PLAGL1: variants seen among roughly 807,000 people sequenced by gnomAD.
The protein encoded by PLAGL1 is zinc finger protein PLAGL1.
PLAGL1 carries 1 observed loss-of-function variant against 4.6 expected under a neutral mutation model. The ratio of observed to expected loss-of-function variants is 0.22; its 90% CI spans 0.08 to 1.03. PLAGL1 has a LOEUF of 1.03. Among genes scored for constraint, PLAGL1 ranks in the 50% least tolerant of loss-of-function variants. The pLI is 0.58. For synonymous variants in PLAGL1, 240 were observed against 237.8 expected (o/e 1.01, Z -0.08); for missense variants, 464 against 570.4 (o/e 0.81, Z 1.90).
At chr6:144,047,171 A>G (rs2876580) in intron 1 of PLAGL1, among the ~76,000 whole-genome samples, 139,226 of 152,218 alleles carry the variant, frequency 0.91, 63,907 homozygotes, top group East Asian at 0.98. Flanking sequence ...GCAACACCCC[A>G]CCCTGCTTCA....
At chr6:144,038,107 A>G (rs998140668) in intron 1 of PLAGL1, among the ~76,000 whole-genome samples, 5 of 152,232 alleles carry the variant, frequency 3.3e-5, no homozygotes, top group Non-Finnish European at 7.3e-5. Flanking sequence ...TTGACAAAAT[A>G]ATGGCTGAAA....
chr6:143,956,404 C>G lies in PLAGL1; in HGVS notation c.-325+4065G>C, dbSNP rs368947703. Among the ~76,000 whole-genome samples the G allele has an allele frequency of 4.6e-5, 7 of 152,310 alleles. No individual in the cohort carries two copies. In the South Asian group the frequency reaches 1.5e-3, roughly 32 times the overall value. On this transcript the variant is annotated intron_variant, in intron 6 of 7. Coordinates refer to ENST00000674357, the MANE Select transcript of PLAGL1 (RefSeq NM_001317162.2). ...GCCTTCTGCCTCAAAATCCCCCCAG[C>G]TCCTCTTGGATAAGATGGTCTACTG...
At chr6:144,038,018 TC>T (rs1208768191) in intron 1 of PLAGL1, among the ~76,000 whole-genome samples, 1 of 152,186 alleles carries the variant, frequency 6.6e-6, no homozygotes, top group African/African-American at 2.4e-5. Context: ...ATGAGCAAAG[TC>T]TCTGAGATCT....
rs770935307 is a variant in PLAGL1, at chr6:144,048,036, C to G, written c.-151+16432G>C. On this transcript the variant is annotated intron_variant, in intron 1 of 3. Transcript: ENST00000437412. The surrounding 1 kb of genome is among the most constrained non-coding windows in gnomAD (Gnocchi z 4.8). Reference sequence around the variant, plus strand: ...GGAGAAATTGGTCAAAACAAAAGGGCTACAGGCTCCATGCAAGTCCAAAAT... The same window carrying G: ...GGAGAAATTGGTCAAAACAAAAGGGGTACAGGCTCCATGCAAGTCCAAAAT... 3.9e-5 allele frequency among the ~76,000 whole-genome samples: 6 copies of G among 152,174 alleles called. No individual in the cohort carries two copies. Among genetic ancestry groups the G allele is most frequent in the African/African-American group, 1.4e-4 (6 of 41,444 alleles).
Position 143,968,009 on chromosome 6 carries a change from A to AAAC in PLAGL1, c.-472+897_-472+898insGTT, listed in dbSNP as rs1784753084. 6.7e-6 allele frequency: 1 copy of AAAC among 148,948 alleles called. No homozygotes were observed. The highest frequency in any genetic ancestry group is 2.6e-5 in the African/African-American group (1 of 38,992). The allele number at this position is 148,948 out of a possible 1,614,324, so 9.2% of individuals were successfully genotyped here. A position where few individuals can be genotyped will look rare whatever the true frequency, so the allele number is the denominator to read the frequency against. On this transcript the variant is annotated intron_variant, in intron 3 of 7. Coordinates refer to ENST00000674357, the MANE Select transcript of PLAGL1 (RefSeq NM_001317162.2). The surrounding 1 kb of genome is among the most constrained non-coding windows in gnomAD (Gnocchi z 6.3). Reference sequence around the variant, plus strand: ...CAAGGACATTTTGCAAAAAAAAAAAAAAAAAAAAACAGTCTGGAGAGAGGC... The same window carrying AAAC: ...CAAGGACATTTTGCAAAAAAAAAAAAAACAAAAAAAAACAGTCTGGAGAGAGGC...
At chr6:143,951,646 T>A (rs1781103195) in intron 6 of PLAGL1, among the ~76,000 whole-genome samples, 1 of 152,258 alleles carries the variant, frequency 6.6e-6, no homozygotes, top group African/African-American at 2.4e-5. Context: ...CACCCATGCC[T>A]ACATTTCCCC....
chr6:143,942,416 C>A lies in PLAGL1; in HGVS notation c.400G>T (p.Val134Leu). The A allele has an allele frequency of 6.2e-7, 1 of 1,614,166 alleles. No homozygotes were observed. The highest frequency in any genetic ancestry group is 8.5e-7 in the Non-Finnish European group (1 of 1,180,018). The change falls in exon 8 of 8, where the codon GTG becomes TTG. Residue 134 changes from valine to leucine, a missense_variant. Around this residue, in one of 4 missense-constraint regions of PLAGL1, gnomAD observed 161 missense variants for 196.7 expected, o/e 0.82. Transcript: ENST00000674357. The surrounding 1 kb of genome is among the most constrained non-coding windows in gnomAD (Gnocchi z 7.6). ...TGGGCTTTGAGGTGGTCCAGTAGCA[C>A]CTCGGTGCTCCCTAGCTCCAGGGCA... ...VCALELGSTEVLLDHLKAHAE... is the reference protein window; with the variant it reads ...VCALELGSTELLLDHLKAHAE...
rs1197076879 is a variant in PLAGL1, at chr6:143,999,928, A to G, written c.-584+8162T>C. Among the ~76,000 whole-genome samples, 6 of 152,142 alleles carry G rather than the reference A, an allele frequency of 3.9e-5. No homozygotes were observed. In the South Asian group the frequency reaches 6.2e-4, roughly 16 times the overall value. On this transcript the variant is annotated intron_variant, in intron 1 of 7. Transcript: ENST00000674357. ...CATTTAATCCTCTCAACAACCTTAT[A>G]TGGTAGACAGTTGTACCTAAATTTA... is the stretch of plus-strand genomic sequence containing the variant.
In PLAGL1 at chr6:144,063,796, C is replaced by A. The variant is rs1799619838; in HGVS notation, c.-151+672G>T. On this transcript the variant is annotated intron_variant, in intron 1 of 3. Coordinates refer to the PLAGL1 transcript ENST00000437412. The surrounding 1 kb of genome is among the most constrained non-coding windows in gnomAD (Gnocchi z 5.7). ...GCCAAAGTGCCCACGCCCACCGTGG[C>A]GGGGCGTGTCCTGCCCGCCCCCATC... is the stretch of plus-strand genomic sequence containing the variant. 6.6e-6 allele frequency among the ~76,000 whole-genome samples: 1 copy of A among 152,200 alleles called. No homozygotes were observed. Among genetic ancestry groups the A allele is most frequent in the Non-Finnish European group, 1.5e-5 (1 of 68,026 alleles).
rs1385829605 is a variant in PLAGL1 at position 144,022,338 on chromosome 6, T to G, written c.-151+42130A>C. Among the ~76,000 whole-genome samples the G allele has an allele frequency of 6.6e-6, 1 of 152,214 alleles. No homozygotes were observed. ...GAAAATCCAAATTAAAACAAGATAC[T>G]AGTACATACTTACTAGAATGGCTAA... On this transcript the variant is annotated intron_variant, in intron 1 of 3. Transcript: ENST00000437412. This position sits in a 1 kb window ranked among gnomAD's most constrained non-coding sequence, Gnocchi z 4.2.
rs1277757771 is a variant in PLAGL1, at chr6:144,053,282, G to A, written c.-151+11186C>T. Among the ~76,000 whole-genome samples, 1 of 152,110 alleles carries A rather than the reference G, an allele frequency of 6.6e-6. No homozygotes were observed. Among genetic ancestry groups the A allele is most frequent in the East Asian group, 1.9e-4 (1 of 5,184 alleles). Reference sequence around the variant, plus strand: ...CCTGAGTACCTGGGATTACAGGCATGCACCATCATGCCGAGCTAATTTTTG... The same window carrying A: ...CCTGAGTACCTGGGATTACAGGCATACACCATCATGCCGAGCTAATTTTTG... On this transcript the variant is annotated intron_variant, in intron 1 of 3. Transcript: ENST00000437412. The surrounding 1 kb of genome is among the most constrained non-coding windows in gnomAD (Gnocchi z 4.0).
chr6:144,037,911 C>T (rs181445233), intron 1 of PLAGL1, among the ~76,000 whole-genome samples: 1 of 152,152 alleles, frequency 6.6e-6, no homozygotes, highest in Non-Finnish European at 1.5e-5. Flanking sequence ...AATTTCCCCC[C>T]TTAGAATGTA....
rs946080697 is a variant in PLAGL1, at chr6:143,968,732, T to C, written c.-472+175A>G. 7.2e-5 allele frequency: 11 copies of C among 152,244 alleles called. No homozygotes were observed. Among genetic ancestry groups the C allele is most frequent in the African/African-American group, 2.4e-4 (10 of 41,434 alleles). The allele number at this position is 152,244 out of a possible 1,614,324, so 9.4% of individuals were successfully genotyped here. ...TTTCCCCCTCAAGGCCTGAAGTTCC[T>C]CAAATGTAAATTCTCTCACAAAGTC... is the stretch of plus-strand genomic sequence containing the variant. On this transcript the variant is annotated intron_variant, in intron 3 of 7. Coordinates refer to ENST00000674357, the MANE Select transcript of PLAGL1 (RefSeq NM_001317162.2). The surrounding 1 kb of genome is among the most constrained non-coding windows in gnomAD (Gnocchi z 6.3).
At position 144,002,232 on chromosome 6, in the gene PLAGL1, C is replaced by T. The variant is rs57276127; in HGVS notation, c.-584+5858G>A. Among the ~76,000 whole-genome samples the T allele has an allele frequency of 8.2e-3, 1,245 of 152,080 alleles. 72 individuals are homozygous for T. The East Asian group carries it at 0.15, about 18-fold the overall frequency. On this transcript the variant is annotated intron_variant, in intron 1 of 7. Coordinates refer to ENST00000674357, the MANE Select transcript of PLAGL1 (RefSeq NM_001317162.2). Reference sequence around the variant, plus strand: ...AATTTGAAAATTCAATACTCATTTGCGAAAGCAATTCTCAGTGAACTAGAA... The same window carrying T: ...AATTTGAAAATTCAATACTCATTTGTGAAAGCAATTCTCAGTGAACTAGAA...
rs145504921 is a variant in PLAGL1 at position 144,022,662 on chromosome 6, T to C, written c.-151+41806A>G. On this transcript the variant is annotated intron_variant, in intron 1 of 3. Transcript: ENST00000437412. This position sits in a 1 kb window ranked among gnomAD's most constrained non-coding sequence, Gnocchi z 4.2. ...GAATAAGTTTCACCAGATCTGATGG[T>C]TTTATGAAAGGGAGTTCCCTTGCAC... Among the ~76,000 whole-genome samples the C allele has an allele frequency of 2.8e-3, 428 of 152,304 alleles. 5 individuals are homozygous for C. Among genetic ancestry groups the C allele is most frequent in the African/African-American group, 1.0e-2 (415 of 41,562 alleles).
At position 143,948,096 on chromosome 6, in the gene PLAGL1, A is replaced by T; in HGVS notation, c.41T>A (p.Leu14His). 1 of 1,613,930 alleles carries T rather than the reference A, an allele frequency of 6.2e-7. No homozygotes were observed. The highest frequency in any genetic ancestry group is 1.1e-5 in the South Asian group (1 of 91,074). Residue 14 changes from leucine to histidine, a missense_variant, in exon 7 of 8, where the codon CTC (leucine) becomes CAC (histidine). Physicochemically the swap from Leu to His is moderately conservative, Grantham distance 99. This residue lies in a region of PLAGL1 where 161 missense variants were observed against 196.7 expected (regional missense o/e 0.82). Transcript: ENST00000674357. This position sits in a 1 kb window ranked among gnomAD's most constrained non-coding sequence, Gnocchi z 6.0. ...GTGAATCGTGAACTTCTCCAGGGTGAGGAACGTCTTGCCACATAACTGGCA... is the reference window on the plus strand; with the variant it reads ...GTGAATCGTGAACTTCTCCAGGGTGTGGAACGTCTTGCCACATAACTGGCA... ...FPCQLCGKTF[L>H]TLEKFTIHNY...
Position 144,056,707 on chromosome 6 carries a change from CA to C in PLAGL1, c.-151+7760del, listed in dbSNP as rs1799003685. ...ATTTAGACAGGTTATCGCTGCTGCC[CA>C]GGCCAGAGTGCAGTGGCACAATCAC... On this transcript the variant is annotated intron_variant, in intron 1 of 3. Transcript: ENST00000437412. The surrounding 1 kb of genome is among the most constrained non-coding windows in gnomAD (Gnocchi z 4.7). Among the ~76,000 whole-genome samples the C allele has an allele frequency of 6.6e-6, 1 of 152,158 alleles. No homozygotes were observed. The highest frequency in any genetic ancestry group is 1.5e-5 in the Non-Finnish European group (1 of 68,034).
chr6:144,014,754 A>G (rs1156393758), intron 1 of PLAGL1, among the ~76,000 whole-genome samples: 1 of 151,898 alleles, frequency 6.6e-6, no homozygotes, highest in Non-Finnish European at 1.5e-5. Context: ...TAATTTTTGT[A>G]TTTTTAGTAG....
rs1163302342 is a variant in PLAGL1, at chr6:144,005,999, T to C, written c.-584+2091A>G. The C allele has an allele frequency of 4.6e-5, 7 of 152,146 alleles. No homozygotes were observed. The highest frequency in any genetic ancestry group is 1.0e-4 in the Non-Finnish European group (7 of 68,020). The allele number at this position is 152,146 out of a possible 1,614,324, so 9.4% of individuals were successfully genotyped here. A position where few individuals can be genotyped will look rare whatever the true frequency, so the allele number is the denominator to read the frequency against. On this transcript the variant is annotated intron_variant, in intron 1 of 7. Transcript: ENST00000674357. This position sits in a 1 kb window ranked among gnomAD's most constrained non-coding sequence, Gnocchi z 4.6. ...TTAGCTAAAATTACTATATAAAATA[T>C]TCCAGTTGTGTACAAAACATGTAAA...
Sources: gnomAD v4.1 joint callset for allele counts (sites outside exome capture counted in the v4.1 genomes callset) on GRCh38, gnomAD v4.1.1 for gene constraint, gnomAD v4.1.1 regional missense constraint, Gnocchi (gnomAD v3.1) non-coding constraint, MANE v1.5 for transcripts, NCBI Gene and HGNC (gene_info 2026-07-23, HGNC 2026-07-21) for gene names.